LY6G5C: variants seen among roughly 807,000 people sequenced by gnomAD.
LY6G5C encodes lymphocyte antigen 6 family member G5C.
LY6G5C carries 6 observed loss-of-function variants against 10.5 expected under a neutral mutation model. The ratio of observed to expected loss-of-function variants is 0.57; its 90% CI spans 0.31 to 1.12. The LOEUF (loss-of-function observed/expected upper bound fraction) is 1.12, where lower values mean the gene tolerates loss of function less well. Among genes scored for constraint, LY6G5C ranks in the 50% most tolerant of loss-of-function variants. LY6G5C has a pLI of 0.05. For synonymous variants in LY6G5C, 69 were observed against 67.8 expected, an observed-to-expected ratio of 1.02 and a Z score of -0.09; for missense variants, 160 against 185.5, an observed-to-expected ratio of 0.86 and a Z score of 0.80.
chr6:31,679,082 AC>A lies in LY6G5C; in HGVS notation c.289+18del. 1 of 1,612,640 alleles carries A rather than the reference AC, an allele frequency of 6.2e-7. No individual in the cohort carries two copies. Among genetic ancestry groups the A allele is most frequent in the Non-Finnish European group, 8.5e-7 (1 of 1,179,760 alleles). On this transcript the variant is annotated intron_variant, in intron 2 of 2. Coordinates refer to ENST00000383237, the Ensembl canonical transcript of LY6G5C. This position sits in a 1 kb window ranked among gnomAD's most constrained non-coding sequence, Gnocchi z 4.4. ...CGTTTGGGAGAGTGCTGGGCCCATGACAGGAGAAGGCCACTTACTGTTCTTT... is the reference window on the plus strand; with the variant it reads ...CGTTTGGGAGAGTGCTGGGCCCATGAAGGAGAAGGCCACTTACTGTTCTTT...
Position 31,680,303 on chromosome 6 carries a change from G to T in LY6G5C, c.71C>A (p.Ala24Asp), listed in dbSNP as rs1159150133. Residue 24 changes from alanine to aspartate, a missense_variant, in exon 1 of 3, where the codon GCC becomes GAC. By Grantham distance (126) the Ala-to-Asp change is moderately radical. Transcript: ENST00000383237. The surrounding 1 kb of genome is among the most constrained non-coding windows in gnomAD (Gnocchi z 4.5). ...CACTATTAAGAGGACCGTGTAGAGG[G>T]CTTGGGGGCTGCTGTGGAAGCACAG... is the stretch of plus-strand genomic sequence containing the variant. The T allele has an allele frequency of 5.0e-6, 8 of 1,612,206 alleles. No homozygotes were observed. The Admixed American group carries it at 1.0e-4, about 20-fold the overall frequency.
rs779755379 is a variant in LY6G5C, at chr6:31,679,208, C to T, written c.182G>A (p.Arg61His). The change falls in exon 2 of 3, where the codon CGC (arginine) becomes CAC (histidine). Residue 61 changes from arginine to histidine, a missense_variant. By Grantham distance (29) the Arg-to-His change is conservative. Transcript: ENST00000383237. This position sits in a 1 kb window ranked among gnomAD's most constrained non-coding sequence, Gnocchi z 4.4. The stretch of plus-strand genomic sequence containing the variant: ...GGTCTCCAAGAGGCATCGGTAGCAG[C>T]GCAGGTATTTGGGGAATGGAAGTGG... 8.7e-6 allele frequency: 14 copies of T among 1,612,806 alleles called. No homozygotes were observed. Among genetic ancestry groups the T allele is most frequent in the Non-Finnish European group, 1.2e-5 (14 of 1,179,992 alleles).
exon 3 of LY6G5C, chr6:31,676,799 C>T (rs532597558): frequency 2.5e-5 from 17 of 685,844 alleles, no homozygotes; most frequent in African/African-American, 2.3e-4. Context: ...TGCTGAAGGG[C>T]GTCAACCAAG....
At position 31,679,995 on chromosome 6, in the gene LY6G5C, C is replaced by G. The variant is rs1007047427; in HGVS notation, c.121+258G>C. On this transcript the variant is annotated intron_variant, in intron 1 of 2. Transcript: ENST00000383237. This position sits in a 1 kb window ranked among gnomAD's most constrained non-coding sequence, Gnocchi z 4.4. ...CCGGGAGGTGGAGGTTGCAGTGAGC[C>G]GAGATCTCGCCACTGCACTCCGGCC... 4 of 345,814 alleles carry G rather than the reference C, an allele frequency of 1.2e-5. No homozygotes were observed. In the Admixed American group the frequency reaches 1.6e-4, roughly 14 times the overall value. 21.4% of individuals were successfully genotyped at this position (345,814 alleles called of 1,614,324 possible). A position where few individuals can be genotyped will look rare whatever the true frequency, so the allele number is the denominator to read the frequency against.
At chr6:31,677,259 GT>G in intron 2 of LY6G5C, 139 bp from the exon 3 acceptor site, 1 of 798,982 alleles carries the variant, frequency 1.3e-6, no homozygotes, top group East Asian at 2.7e-5. Context: ...CATGCCCAGT[GT>G]TCACCAGCCA....
Position 31,680,204 on chromosome 6 carries a change from T to G in LY6G5C, c.121+49A>C, listed in dbSNP as rs936520441. On this transcript the variant is annotated intron_variant, in intron 1 of 2. Coordinates refer to ENST00000383237, the Ensembl canonical transcript of LY6G5C. This position sits in a 1 kb window ranked among gnomAD's most constrained non-coding sequence, Gnocchi z 4.5. ...TACCCAGACACTTGGTGTCTGTGGGTTTCTCCATCCAGGCCAGGAGACCCT... is the reference window on the plus strand; with the variant it reads ...TACCCAGACACTTGGTGTCTGTGGGGTTCTCCATCCAGGCCAGGAGACCCT... 6 of 1,611,894 alleles carry G rather than the reference T, an allele frequency of 3.7e-6. No individual in the cohort carries two copies. In the African/African-American group the frequency reaches 8.0e-5, roughly 22 times the overall value.
At chr6:31,677,084 C>A (rs760414531) in exon 3 of LY6G5C, 8 of 1,612,946 alleles carry the variant, frequency 5.0e-6, no homozygotes, top group Non-Finnish European at 5.9e-6. Flanking sequence ...CTGCTCCTTA[C>A]TTCGGCAGTC....
In LY6G5C at chr6:31,680,049, A is replaced by AAAT. The variant is rs201040687; in HGVS notation, c.121+201_121+203dup. The AAAT allele has an allele frequency of 0.015, 7,779 of 526,744 alleles. 74 individuals are homozygous for AAAT. Among genetic ancestry groups the AAAT allele is most frequent in the Non-Finnish European group, 0.019 (5,677 of 300,326 alleles). The allele number at this position is 526,744 out of a possible 1,614,324, so 32.6% of individuals were successfully genotyped here. On this transcript the variant is annotated intron_variant, in intron 1 of 2. Coordinates refer to ENST00000383237, the Ensembl canonical transcript of LY6G5C. The surrounding 1 kb of genome is among the most constrained non-coding windows in gnomAD (Gnocchi z 4.5). ...GATACAGAGCGAGACTCCATCTCAA[A>AAAT]AATAATAATAATAATAAATTTTTAA... is the stretch of plus-strand genomic sequence containing the variant.
At chr6:31,678,391 T>G (rs1474531989) in intron 2 of LY6G5C, among the ~76,000 whole-genome samples, 2 of 152,136 alleles carry the variant, frequency 1.3e-5, no homozygotes, top group Non-Finnish European at 2.9e-5. Context: ...CTTTTGAGTA[T>G]ATGAAGTGGG....
intron 2 of LY6G5C, 132 bp from the exon 3 acceptor site, chr6:31,677,252 G>T: frequency 1.2e-6 from 1 of 864,552 alleles, no homozygotes. Context: ...GGGTGGACAT[G>T]CCCAGTGTTC....
At chr6:31,677,179 T>A in intron 2 of LY6G5C, 59 bp from the exon 3 acceptor site, 1 of 1,529,100 alleles carries the variant, frequency 6.5e-7, no homozygotes. Context: ...CCCCAAATCC[T>A]CTCATCCCCA....
chr6:31,680,367 A>G lies in LY6G5C; in HGVS notation c.7T>C (p.Phe3Leu). Residue 3 changes from phenylalanine (F) to leucine (L), a missense_variant, in exon 1 of 3, where the codon TTT becomes CTT. Coordinates refer to ENST00000383237, the Ensembl canonical transcript of LY6G5C. This position sits in a 1 kb window ranked among gnomAD's most constrained non-coding sequence, Gnocchi z 4.5. Reference sequence around the variant, plus strand: ...TGGCTCCCTGCAGGGCCTGCCATAAAACGCATGACTGCCTGCTGGCCTCCA... The same window carrying G: ...TGGCTCCCTGCAGGGCCTGCCATAAGACGCATGACTGCCTGCTGGCCTCCA... The G allele has an allele frequency of 6.2e-7, 1 of 1,608,392 alleles. No individual in the cohort carries two copies. The highest frequency in any genetic ancestry group is 1.3e-5 in the African/African-American group (1 of 74,866).
intron 2 of LY6G5C, 144 bp from the exon 3 acceptor site, chr6:31,677,264 C>T: frequency 1.3e-6 from 1 of 777,488 alleles, no homozygotes; most frequent in Non-Finnish European, 2.0e-6. Context: ...CCAGTGTTCA[C>T]CAGCCATGGA....
chr6:31,676,876 A>G, exon 3 of LY6G5C: 1 of 1,402,244 alleles, frequency 7.1e-7, no homozygotes. Context: ...AGGGACTAGA[A>G]GTCCTGGCCA....
At chr6:31,677,098 C>T in exon 3 of LY6G5C, 1 of 1,612,866 alleles carries the variant, frequency 6.2e-7, no homozygotes, top group South Asian at 1.1e-5. Context: ...GGCAGTCACT[C>T]ACCATGACGT....
intron 2 of LY6G5C, 27 bp from the exon 3 acceptor site, chr6:31,677,147 A>T (rs1802625465): frequency 1.2e-6 from 2 of 1,609,034 alleles, no homozygotes; most frequent in Non-Finnish European, 1.7e-6. Context: ...GGCACCAGTG[A>T]TACGGAAGTC....
At chr6:31,680,769 G>T (rs1025387902), upstream of LY6G5C, among the ~76,000 whole-genome samples, 4 of 152,240 alleles carry the variant, frequency 2.6e-5, no homozygotes, top group African/African-American at 4.8e-5. The surrounding 1 kb of genome is among the most constrained non-coding windows in gnomAD (Gnocchi z 4.5). Context: ...AGGGATTTCG[G>T]CAGAGGAGTA....
At position 31,679,577 on chromosome 6, in the gene LY6G5C, G is replaced by A. The variant is rs943703430; in HGVS notation, c.122-309C>T. On this transcript the variant is annotated intron_variant, in intron 1 of 2. Coordinates refer to ENST00000383237, the Ensembl canonical transcript of LY6G5C. This position sits in a 1 kb window ranked among gnomAD's most constrained non-coding sequence, Gnocchi z 4.4. ...GTGGCTGGTGCTTTGCAGCCAAGTG[G>A]GGAGCCCAGCAGGCTGGACTCAGTC... 2.1e-6 allele frequency: 1 copy of A among 469,318 alleles called. No homozygotes were observed. Among genetic ancestry groups the A allele is most frequent in the Non-Finnish European group, 3.9e-6 (1 of 256,764 alleles). 29.1% of individuals were successfully genotyped at this position (469,318 alleles called of 1,614,324 possible).
chr6:31,679,488 C>G lies in LY6G5C; in HGVS notation c.122-220G>C, dbSNP rs1802766152. 9 of 592,578 alleles carry G rather than the reference C, an allele frequency of 1.5e-5. No homozygotes were observed. The Admixed American group carries it at 2.6e-4, about 17-fold the overall frequency. The allele number at this position is 592,578 out of a possible 1,614,324, so 36.7% of individuals were successfully genotyped here. On this transcript the variant is annotated intron_variant, in intron 1 of 2. Transcript: ENST00000383237. The surrounding 1 kb of genome is among the most constrained non-coding windows in gnomAD (Gnocchi z 4.4). ...CCACATGTTAACAAATCCCCAGACC[C>G]AGCAGAGCACTTGGTGTTAGGCAGA...
Sources: allele counts gnomAD v4.1 joint callset (sites outside exome capture counted in the v4.1 genomes callset), GRCh38; gene constraint gnomAD v4.1.1; non-coding constraint Gnocchi (gnomAD v3.1); transcripts MANE v1.5; gene names NCBI Gene and HGNC (gene_info 2026-07-23, HGNC 2026-07-21).